The following CDKL3 variants were observed in gnomAD, a reference collection of about 807,000 sequenced individuals.
CDKL3 encodes the protein cyclin dependent kinase like 3, also known as cyclin-dependent kinase-like 3.
A neutral mutation model predicts 69.3 loss-of-function variants in CDKL3; 65 were observed. The ratio of observed to expected loss-of-function variants is 0.94; its 90% CI spans 0.77 to 1.15. The LOEUF (loss-of-function observed/expected upper bound fraction) is 1.15, where lower values mean the gene tolerates loss of function less well. CDKL3 is among the 50% of genes most tolerant of loss of function. The pLI, the probability that CDKL3 is intolerant of heterozygous loss-of-function variation, is 0.00. For synonymous variants in CDKL3, 202 were observed against 221.6 expected (o/e 0.91, Z 0.79); for missense variants, 652 against 689.2 (o/e 0.95, Z 0.61).
intron 9 of CDKL3, 44 bp downstream of exon 9, chr5:134,308,094 C>T (rs1768381008): frequency 6.5e-7 from 1 of 1,543,210 alleles, no homozygotes. Flanking sequence ...TACCATTATA[C>T]AGGAATGTTG....
At chr5:134,371,322 G>C (rs1758379202), upstream of CDKL3, 1 of 574,158 alleles carries the variant, frequency 1.7e-6, no homozygotes, top group Admixed American at 3.1e-5. Flanking sequence ...AGGAAGCCCA[G>C]GGGGAACCGC....
chr5:134,365,434 T>G (rs966652736), intron 2 of CDKL3, among the ~76,000 whole-genome samples: 4 of 152,144 alleles, frequency 2.6e-5, no homozygotes, highest in African/African-American at 7.2e-5. Flanking sequence ...GTCTTTTTTT[T>G]TTGTTTTTTA....
chr5:134,288,312 G>T (rs191458037), intron 8 of CDKL3, among the ~76,000 whole-genome samples: 2 of 152,322 alleles, frequency 1.3e-5, no homozygotes, highest in East Asian at 3.9e-4. Context: ...GGGTGGAAAA[G>T]AATTACAGTA....
chr5:134,317,848 C>T (rs1433028525), intron 6 of CDKL3, among the ~76,000 whole-genome samples: 1 of 152,076 alleles, frequency 6.6e-6, no homozygotes, highest in African/African-American at 2.4e-5. Flanking sequence ...GTCGGAACTG[C>T]AGTGAGCCGA....
upstream of CDKL3, among the ~76,000 whole-genome samples, chr5:134,369,205 T>C (rs938480235): frequency 1.3e-5 from 2 of 152,242 alleles, no homozygotes; most frequent in African/African-American, 4.8e-5. Flanking sequence ...TGATTCTTGC[T>C]AATACACAGC....
In CDKL3 at chr5:134,308,248, C is replaced by T; in HGVS notation, c.1254G>A (p.Leu418=). ...AACCTCCGCAATGTGGATTTTCTTT[C>T]AAGCCATTACAGTTAGTGCTGGGAT... The part of the protein sequence containing the change: ...PINPSTNCNG[L]KENPHCGGSV... The change falls in exon 9 of 13, where the codon TTG becomes TTA. Residue 418 remains leucine (L), a synonymous_variant. Coordinates refer to ENST00000265334, the MANE Select transcript of CDKL3 (RefSeq NM_001113575.2). The T allele has an allele frequency of 6.2e-7, 1 of 1,613,734 alleles. No individual in the cohort carries two copies. The highest frequency in any genetic ancestry group is 2.2e-5 in the East Asian group (1 of 44,862).
At chr5:134,290,819 G>C (rs970300732) in intron 8 of CDKL3, among the ~76,000 whole-genome samples, 1 of 151,966 alleles carries the variant, frequency 6.6e-6, no homozygotes, top group African/African-American at 2.4e-5. Flanking sequence ...TTATAAGTGT[G>C]AGCCACCACA....
chr5:134,348,383 T>G (rs1581161614), intron 4 of CDKL3, among the ~76,000 whole-genome samples: 1 of 152,204 alleles, frequency 6.6e-6, no homozygotes, highest in East Asian at 1.9e-4. Context: ...TATCCATTTG[T>G]TATGTGAGAT....
chr5:134,358,837 C>G (rs1755269313), intron 3 of CDKL3, among the ~76,000 whole-genome samples: 1 of 152,002 alleles, frequency 6.6e-6, no homozygotes, highest in Non-Finnish European at 1.5e-5. Context: ...TGGGCTTGAA[C>G]TTTTGAGCTC....
chr5:134,363,412 G>A (rs1411706410), intron 2 of CDKL3, among the ~76,000 whole-genome samples: 16 of 150,444 alleles, frequency 1.1e-4, no homozygotes, highest in Non-Finnish European at 2.4e-4. Flanking sequence ...TCCTGCCTCA[G>A]CCTCTTGTGT....
intron 3 of CDKL3, among the ~76,000 whole-genome samples, chr5:134,354,509 G>A (rs998828059): frequency 6.6e-6 from 1 of 152,080 alleles, no homozygotes; most frequent in African/African-American, 2.4e-5. Flanking sequence ...TTCTAATTGA[G>A]CCACTTTAAA....
At chr5:134,371,477 CG>C, upstream of CDKL3, 2 of 1,160,862 alleles carry the variant, frequency 1.7e-6, no homozygotes, top group Non-Finnish European at 2.3e-6. Flanking sequence ...TCAGTCTCGG[CG>C]GCGGCGGCGG....
In CDKL3 at chr5:134,302,688, CT is replaced by C. The variant is rs770232436; in HGVS notation, c.1622-2del. ...CTCTTCAGCATTTTTATCTGTTTAA[CT>C]TTTGCAAAAATATACAAAACAATGA... is the stretch of plus-strand genomic sequence containing the variant. On this transcript the variant is annotated splice_acceptor_variant, in intron 11 of 12. Coordinates refer to ENST00000265334, the MANE Select transcript of CDKL3 (RefSeq NM_001113575.2). LOFTEE classifies it high-confidence loss of function. 1.3e-6 allele frequency: 2 copies of C among 1,529,738 alleles called. No individual in the cohort carries two copies. The highest frequency in any genetic ancestry group is 1.8e-6 in the Non-Finnish European group (2 of 1,122,626). The allele number at this position is 1,529,738 out of a possible 1,614,324, so 94.8% of individuals were successfully genotyped here. A position where few individuals can be genotyped will look rare whatever the true frequency, so the allele number is the denominator to read the frequency against.
chr5:134,317,571 C>A (rs530255668), intron 6 of CDKL3, among the ~76,000 whole-genome samples: 1 of 152,220 alleles, frequency 6.6e-6, no homozygotes, highest in African/African-American at 2.4e-5. Flanking sequence ...TTGCAGTGAG[C>A]AACGATCACA....
downstream of CDKL3, among the ~76,000 whole-genome samples, chr5:134,294,206 C>T (rs1192788463): frequency 6.6e-6 from 1 of 152,090 alleles, no homozygotes; most frequent in Non-Finnish European, 1.5e-5. Context: ...GTTGGTTTAA[C>T]ATTCAAATTT....
chr5:134,304,276 C>T (rs1767145750), intron 11 of CDKL3, 129 bp downstream of exon 11: 1 of 700,882 alleles, frequency 1.4e-6, no homozygotes, highest in Non-Finnish European at 2.2e-6. Flanking sequence ...AAAATCTCAT[C>T]AGCTGAAATG....
intron 2 of CDKL3, among the ~76,000 whole-genome samples, chr5:134,362,320 G>A (rs547364594): frequency 6.6e-6 from 1 of 152,310 alleles, no homozygotes; most frequent in East Asian, 1.9e-4. Flanking sequence ...GGGAGTTCGA[G>A]ATCAGCCTGA....
intron 11 of CDKL3, among the ~76,000 whole-genome samples, chr5:134,303,875 T>C (rs1767031851): frequency 6.6e-6 from 1 of 151,804 alleles, no homozygotes; most frequent in Admixed American, 6.6e-5. Flanking sequence ...AAATAAATTT[T>C]AATAATTTAC....
At chr5:134,317,743 A>G (rs1771562559) in intron 6 of CDKL3, among the ~76,000 whole-genome samples, 1 of 152,192 alleles carries the variant, frequency 6.6e-6, no homozygotes, top group Non-Finnish European at 1.5e-5. Flanking sequence ...CCTGGGCAAC[A>G]TGGAGAAACT....
Sources: gnomAD v4.1 joint callset for allele counts (sites outside exome capture counted in the v4.1 genomes callset) on GRCh38, gnomAD v4.1.1 for gene constraint, MANE v1.5 for transcripts, NCBI Gene and HGNC (gene_info 2026-07-23, HGNC 2026-07-21) for gene names.